MACF1: variants seen among roughly 807,000 people sequenced by gnomAD.
MACF1 encodes microtubule-actin cross-linking factor 1.
MACF1 carries 193 observed loss-of-function variants against 854.8 expected under a neutral mutation model. That is an observed-to-expected ratio of 0.23 (90% CI 0.20 to 0.25). The LOEUF is 0.25. Among genes scored for constraint, MACF1 ranks in the 10% least tolerant of loss-of-function variants. MACF1 has a pLI of 1.00. For synonymous variants in MACF1, 3,185 were observed against 3,226.7 expected (o/e 0.99, Z 0.44); for missense variants, 7,722 against 8,929.1 (o/e 0.86, Z 5.45).
At chr1:39,288,326 G>A (rs1355303041) in intron 15 of MACF1, among the ~76,000 whole-genome samples, 4 of 151,836 alleles carry the variant, frequency 2.6e-5, no homozygotes, top group Admixed American at 6.6e-5. Context: ...GTGAAACCCC[G>A]TCTCTACTAA....
chr1:39,130,910 C>T (rs961307627), intron 2 of MACF1, among the ~76,000 whole-genome samples: 8 of 149,810 alleles, frequency 5.3e-5, no homozygotes, highest in African/African-American at 2.0e-4. Flanking sequence ...GGTGTGATCT[C>T]GGCTCACTGC....
At chr1:39,391,721 G>A (rs1038655505) in intron 58 of MACF1, among the ~76,000 whole-genome samples, 3 of 152,156 alleles carry the variant, frequency 2.0e-5, no homozygotes, top group Non-Finnish European at 2.9e-5. Flanking sequence ...GATGTTGCTG[G>A]AAGATTTCAA....
At chr1:39,114,132 C>A (rs12137496) in intron 2 of MACF1, among the ~76,000 whole-genome samples, 1 of 150,924 alleles carries the variant, frequency 6.6e-6, no homozygotes, top group Non-Finnish European at 1.5e-5. Flanking sequence ...TACACACCCC[C>A]ACCCAACAAC....
chr1:39,370,850 CA>C (rs200276609), intron 51 of MACF1, among the ~76,000 whole-genome samples: 1 of 150,082 alleles, frequency 6.7e-6, no homozygotes, highest in Non-Finnish European at 1.5e-5. Context: ...ACCTCAAGGC[CA>C]AAAAAAACAG....
intron 89 of MACF1, among the ~76,000 whole-genome samples, chr1:39,456,333 CA>C (rs545870333): frequency 2.7e-5 from 4 of 150,558 alleles, no homozygotes; most frequent in Non-Finnish European, 4.4e-5. Context: ...GACTCCATTT[CA>C]AAAAAAAAGC....
chr1:39,484,023 G>A (rs1468853148), intron 99 of MACF1, among the ~76,000 whole-genome samples: 3 of 152,168 alleles, frequency 2.0e-5, no homozygotes, highest in African/African-American at 4.8e-5. Context: ...CGTGGTGGCG[G>A]GTGCCTGTAG....
At chr1:39,308,533 C>T (rs991740531) in intron 23 of MACF1, among the ~76,000 whole-genome samples, 1 of 151,916 alleles carries the variant, frequency 6.6e-6, no homozygotes, top group East Asian at 1.9e-4. Context: ...TTCAAGGTAA[C>T]GTGGTGGGTA....
chr1:39,168,195 CTT>C, intron 2 of MACF1, among the ~76,000 whole-genome samples: 1 of 152,206 alleles, frequency 6.6e-6, no homozygotes, highest in East Asian at 1.9e-4. Flanking sequence ...AGGGCTCCAT[CTT>C]TGCATAACTT....
At chr1:39,322,847 T>A in intron 32 of MACF1, 63 bp from the exon 33 acceptor site, 1 of 1,544,326 alleles carries the variant, frequency 6.5e-7, no homozygotes, top group Non-Finnish European at 9.0e-7. Flanking sequence ...TCCTCTTATT[T>A]TGAACTATTT....
At chr1:39,152,759 G>A (rs1446691802) in intron 2 of MACF1, among the ~76,000 whole-genome samples, 1 of 151,978 alleles carries the variant, frequency 6.6e-6, no homozygotes, top group Non-Finnish European at 1.5e-5. Flanking sequence ...TCTGGAATCT[G>A]ACTTTTGAAA....
intron 2 of MACF1, among the ~76,000 whole-genome samples, chr1:39,112,078 T>A (rs892152058): frequency 2.0e-5 from 3 of 148,404 alleles, no homozygotes; most frequent in Non-Finnish European, 3.0e-5. Flanking sequence ...CCTTCCTGAT[T>A]ATTCAAATCT....
At chr1:39,393,192 A>ATATATATAT (rs1434134146) in intron 58 of MACF1, among the ~76,000 whole-genome samples, 81 of 84,574 alleles carry the variant, frequency 9.6e-4, no homozygotes, top group African/African-American at 4.1e-3. Context: ...AAAAAAAAAA[A>ATATATATAT]AAAAATATAT....
At chr1:39,149,340 T>C (rs913420350) in intron 2 of MACF1, among the ~76,000 whole-genome samples, 53 of 152,054 alleles carry the variant, frequency 3.5e-4, no homozygotes, top group Non-Finnish European at 7.2e-4. Context: ...GAGACCAGTA[T>C]GGTGAAACCC....
intron 6 of MACF1, chr1:39,269,078 A>G (rs1340066052): frequency 1.6e-5 from 20 of 1,289,678 alleles, no homozygotes; most frequent in Non-Finnish European, 1.8e-5. Flanking sequence ...AGAATGAGTC[A>G]TCAGTTGCTG....
chr1:39,196,936 G>T (rs979877127), intron 2 of MACF1, among the ~76,000 whole-genome samples: 1 of 152,216 alleles, frequency 6.6e-6, no homozygotes, highest in Non-Finnish European at 1.5e-5. Context: ...AAATCTTAAT[G>T]AAGTTCTGAG....
At chr1:39,479,750 T>C (rs772439372) in intron 97 of MACF1, 48 bp from the exon 98 acceptor site, 2 of 1,558,436 alleles carry the variant, frequency 1.3e-6, no homozygotes, top group Non-Finnish European at 8.8e-7. Flanking sequence ...GTCAAAAATA[T>C]ATTTTTTAGA....
At chr1:39,288,436 T>C (rs1266650794) in intron 15 of MACF1, among the ~76,000 whole-genome samples, 1 of 151,156 alleles carries the variant, frequency 6.6e-6, no homozygotes, top group East Asian at 1.9e-4. Context: ...AAGTGAAGCT[T>C]GCAGTGAGCT....
In MACF1 at chr1:39,266,330, A is replaced by G. The variant is rs1483861643; in HGVS notation, c.528+8302A>G. On this transcript the variant is annotated intron_variant, in intron 6 of 100. Transcript: ENST00000564288. ...GCCTGGTACCTGCCTAGAGAACTTC[A>G]TATTGTAATGTCAGATTCTTTGTTA... 2.0e-5 allele frequency among the ~76,000 whole-genome samples: 3 copies of G among 152,190 alleles called. No homozygotes were observed. In the East Asian group the frequency reaches 5.8e-4, roughly 29 times the overall value.
At chr1:39,355,871 AT>A (rs974267420) in intron 44 of MACF1, among the ~76,000 whole-genome samples, 2 of 151,414 alleles carry the variant, frequency 1.3e-5, no homozygotes, top group South Asian at 2.1e-4. Flanking sequence ...TGCCTCATTA[AT>A]TTTTTTTTAA....
Sources: allele counts gnomAD v4.1 joint callset (sites outside exome capture counted in the v4.1 genomes callset), GRCh38; gene constraint gnomAD v4.1.1; transcripts MANE v1.5; gene names NCBI Gene and HGNC (gene_info 2026-07-23, HGNC 2026-07-21).